PPP1R7: variants seen among roughly 807,000 people sequenced by gnomAD.
PPP1R7 encodes protein phosphatase 1 regulatory subunit 22.
Under a neutral mutation model 45.2 loss-of-function variants are expected in PPP1R7, and 18 were observed. That is an observed-to-expected ratio of 0.40 (90% CI 0.28 to 0.59). The LOEUF is 0.59. Ranked by LOEUF, PPP1R7 falls within the 20% of genes least tolerant of loss-of-function variation. The pLI is 0.46. For missense variants in PPP1R7, 314 were observed against 455.8 expected, an observed-to-expected ratio of 0.69 and a Z score of 2.83; for synonymous variants, 181 against 183.4, an observed-to-expected ratio of 0.99 and a Z score of 0.11.
At chr2:241,172,510 T>TG (rs1168446787) in intron 9 of PPP1R7, among the ~76,000 whole-genome samples, 8 of 152,072 alleles carry the variant, frequency 5.3e-5, no homozygotes, top group African/African-American at 1.9e-4. Context: ...CTGGGCATGG[T>TG]GGCACATGCT....
chr2:241,174,478 A>G (rs2067874581), intron 9 of PPP1R7, among the ~76,000 whole-genome samples: 2 of 151,688 alleles, frequency 1.3e-5, no homozygotes, highest in African/African-American at 4.8e-5. Context: ...TGCCTCCCCA[A>G]ACTACAATCA....
intron 9 of PPP1R7, among the ~76,000 whole-genome samples, chr2:241,175,921 G>A (rs2149069832): frequency 6.6e-6 from 1 of 152,320 alleles, no homozygotes; most frequent in South Asian, 2.1e-4. Flanking sequence ...GGGATTACAG[G>A]TGAATGCCAC....
chr2:241,150,120 C>A, upstream of PPP1R7: 1 of 1,262,196 alleles, frequency 7.9e-7, no homozygotes, highest in Non-Finnish European at 1.0e-6. Context: ...GGCCCCTCCA[C>A]GCCTCCGAGG....
At chr2:241,159,663 A>G (rs927078040) in intron 5 of PPP1R7, among the ~76,000 whole-genome samples, 3 of 152,208 alleles carry the variant, frequency 2.0e-5, no homozygotes, top group Non-Finnish European at 4.4e-5. Context: ...AGGAAAGTTA[A>G]TCCAGAATTG....
At chr2:241,169,655 C>A in intron 8 of PPP1R7, 126 bp from the exon 9 acceptor site, 1 of 741,266 alleles carries the variant, frequency 1.3e-6, no homozygotes. Flanking sequence ...CATGCCCTTA[C>A]CCTGTGAGGG....
intron 9 of PPP1R7, among the ~76,000 whole-genome samples, chr2:241,171,429 T>A (rs1270868314): frequency 6.6e-6 from 1 of 152,252 alleles, no homozygotes; most frequent in East Asian, 1.9e-4. Flanking sequence ...TACCCCATTT[T>A]ACAGGTAAAG....
At chr2:241,160,211 C>CA in intron 5 of PPP1R7, 121 bp from the exon 6 acceptor site, 1 of 642,912 alleles carries the variant, frequency 1.6e-6, no homozygotes, top group African/African-American at 1.9e-5. Context: ...CCCCCACCCT[C>CA]TCCCACCCGG....
Position 241,160,372 on chromosome 2 carries a change from G to C in PPP1R7, c.475G>C (p.Gly159Arg), listed in dbSNP as rs1301142594. The C allele has an allele frequency of 6.2e-7, 1 of 1,610,006 alleles. No homozygotes were observed. Among genetic ancestry groups the C allele is most frequent in the Non-Finnish European group, 8.5e-7 (1 of 1,178,986 alleles). ...ISFNLLRNIE[G>R]VDKLTRLKKL... ...TTTTAATCTGCTGAGAAACATCGAA[G>C]GGGTTGACAAGTTGACACGACTGAA... is the stretch of plus-strand genomic sequence containing the variant. The change falls in exon 6 of 10, where the codon GGG (glycine) becomes CGG (arginine). Residue 159 changes from glycine (G) to arginine (R), a missense_variant. By Grantham distance (125) the Gly-to-Arg change is moderately radical. Around this residue, in one of 3 missense-constraint regions of PPP1R7, gnomAD observed 168 missense variants for 285.3 expected, o/e 0.59. Coordinates refer to ENST00000234038, the MANE Select transcript of PPP1R7 (RefSeq NM_002712.3).
At position 241,163,156 on chromosome 2, in the gene PPP1R7, G is replaced by C. The variant is rs553597009; in HGVS notation, c.598-129G>C. 4.5e-6 allele frequency: 3 copies of C among 660,532 alleles called. No individual in the cohort carries two copies. In the South Asian group the frequency reaches 5.6e-5, roughly 12 times the overall value. The allele number at this position is 660,532 out of a possible 1,614,324, so 40.9% of individuals were successfully genotyped here. ...AGTAGGATTTCCACTGGAAGTCTTAGCAGATACGTCACTAGCCCCACATCG... is the reference window on the plus strand; with the variant it reads ...AGTAGGATTTCCACTGGAAGTCTTACCAGATACGTCACTAGCCCCACATCG... On this transcript the variant is annotated intron_variant, in intron 6 of 9. Coordinates refer to ENST00000234038, the MANE Select transcript of PPP1R7 (RefSeq NM_002712.3).
chr2:241,180,582 T>A (rs1293206736), intron 9 of PPP1R7, among the ~76,000 whole-genome samples: 1 of 152,120 alleles, frequency 6.6e-6, no homozygotes, highest in Non-Finnish European at 1.5e-5. Flanking sequence ...AGGGGCTCTT[T>A]CTGTTAACTG....
In PPP1R7 at chr2:241,166,348, G is replaced by T; in HGVS notation, c.726G>T (p.Leu242=). 6.2e-7 allele frequency: 1 copy of T among 1,613,926 alleles called. No individual in the cohort carries two copies. Among genetic ancestry groups the T allele is most frequent in the South Asian group, 1.1e-5 (1 of 91,028 alleles). ...LTVLSMQSNR[L]TKIEGLQNLV... ...TCTCCCTCTTGCAGAGCAACCGGCT[G>T]ACCAAGATCGAGGGTCTGCAGAACC... Residue 242 remains leucine (L), a synonymous_variant, in exon 8 of 10, where the codon CTG becomes CTT. Transcript: ENST00000234038.
intron 6 of PPP1R7, among the ~76,000 whole-genome samples, chr2:241,161,470 CG>C (rs955287769): frequency 6.6e-6 from 1 of 151,996 alleles, no homozygotes; most frequent in Non-Finnish European, 1.5e-5. Context: ...ATGTACATAC[CG>C]GGGGCTTTAG....
intron 5 of PPP1R7, 101 bp from the exon 6 acceptor site, chr2:241,160,231 C>G (rs1575388927): frequency 3.5e-6 from 3 of 866,820 alleles, no homozygotes; most frequent in Non-Finnish European, 1.7e-6. Flanking sequence ...GTAGTGACTG[C>G]CGTCCCCTGA....
chr2:241,173,897 T>C (rs1473858945), intron 9 of PPP1R7, among the ~76,000 whole-genome samples: 1 of 148,044 alleles, frequency 6.8e-6, no homozygotes, highest in Admixed American at 6.9e-5. Flanking sequence ...TTCTCAACTC[T>C]AAAAGAACAT....
chr2:241,160,590 T>A, intron 6 of PPP1R7, 96 bp downstream of exon 6: 1 of 1,076,384 alleles, frequency 9.3e-7, no homozygotes, highest in South Asian at 2.1e-5. Flanking sequence ...ATGGTGAGTC[T>A]GCATTTCTTA....
chr2:241,177,480 T>A (rs533709241), intron 9 of PPP1R7, among the ~76,000 whole-genome samples: 1 of 152,022 alleles, frequency 6.6e-6, no homozygotes, highest in Admixed American at 6.5e-5. Flanking sequence ...AAAGAAAGAA[T>A]AGGTATATCT....
intron 3 of PPP1R7, among the ~76,000 whole-genome samples, chr2:241,158,268 T>C (rs751521419): frequency 3.9e-5 from 6 of 152,174 alleles, no homozygotes; most frequent in Non-Finnish European, 5.9e-5. Flanking sequence ...AAAGATGTCA[T>C]GTACCAATCA....
intron 4 of PPP1R7, chr2:241,158,796 C>G: frequency 1.9e-6 from 1 of 524,376 alleles, no homozygotes. Context: ...GTGACTCTGG[C>G]CTGCCTCGGT....
intron 9 of PPP1R7, among the ~76,000 whole-genome samples, chr2:241,180,314 TC>T (rs36034658): frequency 5.5e-5 from 8 of 146,456 alleles, no homozygotes; most frequent in African/African-American, 1.8e-4. Context: ...TCTTTGGGCT[TC>T]CCTGGGCCAC....
Sources: allele counts gnomAD v4.1 joint callset (sites outside exome capture counted in the v4.1 genomes callset), GRCh38; gene constraint gnomAD v4.1.1; regional missense constraint gnomAD v4.1.1; transcripts MANE v1.5; gene names NCBI Gene and HGNC (gene_info 2026-07-23, HGNC 2026-07-21).